Variants in ANXA10 observed in about 807,000 individuals in gnomAD.
ANXA10 encodes annexin A10, also known as annexin 14.
A neutral mutation model predicts 53.5 loss-of-function variants in ANXA10; 49 were observed. That is an observed-to-expected ratio of 0.92 (90% confidence interval 0.73 to 1.16). The LOEUF (loss-of-function observed/expected upper bound fraction) is 1.16, where lower values mean the gene tolerates loss of function less well. Among genes scored for constraint, ANXA10 ranks in the 50% most tolerant of loss-of-function variants. The probability of loss-of-function intolerance (pLI) is 0.00; values close to 1 mark genes in which losing one functional copy is unlikely to be tolerated. For missense variants in ANXA10, 393 were observed against 394.4 expected (o/e 1.00, Z 0.03); for synonymous variants, 131 against 128.9 (o/e 1.02, Z -0.11).
intron 1 of ANXA10, among the ~76,000 whole-genome samples, chr4:168,117,622 C>T (rs1730914848): frequency 6.6e-6 from 1 of 152,168 alleles, no homozygotes; most frequent in Admixed American, 6.5e-5. Flanking sequence ...CAATTTTACC[C>T]ATAGGCTAGT....
intron 3 of ANXA10, among the ~76,000 whole-genome samples, chr4:168,148,175 T>TA (rs1491522791): frequency 4.6e-5 from 3 of 64,646 alleles, no homozygotes; most frequent in African/African-American, 4.0e-4. Context: ...TATGTGACAA[T>TA]TTTTTTTTTT....
intron 10 of ANXA10, among the ~76,000 whole-genome samples, chr4:168,182,465 G>C (rs973281498): frequency 2.7e-5 from 4 of 148,306 alleles, no homozygotes; most frequent in Non-Finnish European, 6.0e-5. Flanking sequence ...CAAGTAGCTG[G>C]GACTACAGGT....
intron 1 of ANXA10, among the ~76,000 whole-genome samples, chr4:168,109,143 G>T (rs1442829193): frequency 1.3e-5 from 2 of 152,066 alleles, no homozygotes; most frequent in Non-Finnish European, 2.9e-5. Context: ...TGAACTCTTT[G>T]ATGTTTCCCA....
chr4:168,117,873 C>A (rs1439617439), intron 1 of ANXA10, among the ~76,000 whole-genome samples: 2 of 152,094 alleles, frequency 1.3e-5, no homozygotes, highest in Non-Finnish European at 2.9e-5. Context: ...GGCCAGGATG[C>A]CTGTCCACCA....
intron 1 of ANXA10, among the ~76,000 whole-genome samples, chr4:168,107,089 C>T (rs1456385105): frequency 6.6e-6 from 1 of 152,052 alleles, no homozygotes; most frequent in Non-Finnish European, 1.5e-5. Context: ...AAAAGACCAA[C>T]GTATCCTGTA....
At chr4:168,165,197 G>T (rs1393368296) in intron 5 of ANXA10, 50 bp from the exon 6 acceptor site, 2 of 1,244,640 alleles carry the variant, frequency 1.6e-6, no homozygotes, top group Admixed American at 2.0e-5. Flanking sequence ...AAAACACACT[G>T]ATACATAGTT....
chr4:168,135,681 T>C (rs1197703102), intron 2 of ANXA10, among the ~76,000 whole-genome samples: 1 of 152,130 alleles, frequency 6.6e-6, no homozygotes, highest in Non-Finnish European at 1.5e-5. Flanking sequence ...AGGGAGGAGA[T>C]AGACAGGGTG....
In ANXA10 at chr4:168,101,258, A is replaced by G. The variant is rs184498399; in HGVS notation, c.18+8540A>G. 4.1e-3 allele frequency among the ~76,000 whole-genome samples: 621 copies of G among 151,910 alleles called. 2 individuals carry two copies. Among genetic ancestry groups the G allele is most frequent in the Non-Finnish European group, 6.7e-3 (453 of 67,956 alleles). On this transcript the variant is annotated intron_variant, in intron 1 of 11. Coordinates refer to ENST00000359299, the MANE Select transcript of ANXA10 (RefSeq NM_007193.5). ...CCCCTTTGCCCTCCTCCATGATTGT[A>G]AGTTTCCTGAGGCCTCCCAAGAAGC...
At chr4:168,185,605 A>G (rs1027727579) in intron 11 of ANXA10, among the ~76,000 whole-genome samples, 1 of 152,220 alleles carries the variant, frequency 6.6e-6, no homozygotes, top group Non-Finnish European at 1.5e-5. Flanking sequence ...CTCAGAATAT[A>G]TAGGACCATT....
At chr4:168,141,918 T>C (rs1731333268) in intron 3 of ANXA10, among the ~76,000 whole-genome samples, 1 of 152,120 alleles carries the variant, frequency 6.6e-6, no homozygotes, top group Admixed American at 6.6e-5. Context: ...TTACTATTAG[T>C]CAGTGCGCAT....
At chr4:168,104,084 A>C (rs1294850526) in intron 1 of ANXA10, among the ~76,000 whole-genome samples, 2 of 151,768 alleles carry the variant, frequency 1.3e-5, no homozygotes, top group East Asian at 3.9e-4. Context: ...TGTCTTTTAA[A>C]TTTGCTTAGT....
chr4:168,171,016 T>G (rs1731974968), intron 6 of ANXA10, among the ~76,000 whole-genome samples: 1 of 152,178 alleles, frequency 6.6e-6, no homozygotes, highest in African/African-American at 2.4e-5. Context: ...CACTTCTACA[T>G]TAATGGCTTC....
At chr4:168,177,645 C>A in intron 6 of ANXA10, 95 bp from the exon 7 acceptor site, 1 of 1,233,644 alleles carries the variant, frequency 8.1e-7, no homozygotes, top group Middle Eastern at 1.9e-4. Flanking sequence ...TCCTTAGGAA[C>A]AATCAGAATG....
At chr4:168,109,919 C>T (rs554794229) in intron 1 of ANXA10, among the ~76,000 whole-genome samples, 19 of 152,274 alleles carry the variant, frequency 1.2e-4, no homozygotes, top group Admixed American at 2.6e-4. Flanking sequence ...CATCAATAAA[C>T]TTCATGTTAG....
intron 6 of ANXA10, 33 bp downstream of exon 6, chr4:168,165,359 C>T (rs1340312366): frequency 1.1e-5 from 13 of 1,175,212 alleles, no homozygotes; most frequent in African/African-American, 1.6e-5. Flanking sequence ...TTACTTTGCA[C>T]TATCTAAGCA....
At chr4:168,129,216 C>T (rs768047255) in intron 2 of ANXA10, among the ~76,000 whole-genome samples, 1 of 152,156 alleles carries the variant, frequency 6.6e-6, no homozygotes, top group South Asian at 2.1e-4. Context: ...AGCAGTATCC[C>T]ATAGGAAAAC....
chr4:168,168,547 G>A (rs1731922955), intron 6 of ANXA10, among the ~76,000 whole-genome samples: 1 of 152,046 alleles, frequency 6.6e-6, no homozygotes, highest in South Asian at 2.1e-4. Flanking sequence ...AGCCTCCCGA[G>A]TAGCTGGGAT....
chr4:168,141,548 C>T (rs773538782), intron 3 of ANXA10, among the ~76,000 whole-genome samples: 15 of 152,184 alleles, frequency 9.9e-5, no homozygotes, highest in African/African-American at 1.4e-4. Context: ...TACAAACATC[C>T]GTGTTTCCAT....
rs35451323 is a variant in ANXA10, at chr4:168,096,911, C to CATATATATATATATATATATATATATAT, written c.18+4211_18+4212insATATATATATATATATATATATATATAT. 1.1e-3 allele frequency among the ~76,000 whole-genome samples: 122 copies of CATATATATATATATATATATATATATAT among 109,524 alleles called. 1 individual carries two copies. The highest frequency in any genetic ancestry group is 4.5e-3 in the African/African-American group (89 of 19,594). The allele number at this position is 109,524 out of a possible 152,430, so 71.9% of individuals were successfully genotyped here. Reference sequence around the variant, plus strand: ...TTTGTATCCATTACTAATACAAATGCATATATATATATATATATGTATGTA... The same window carrying CATATATATATATATATATATATATATAT: ...TTTGTATCCATTACTAATACAAATGCATATATATATATATATATATATATATATATATATATATATATATATGTATGTA... On this transcript the variant is annotated intron_variant, in intron 1 of 11. Coordinates refer to ENST00000359299, the MANE Select transcript of ANXA10 (RefSeq NM_007193.5).
Sources: allele counts gnomAD v4.1 joint callset (sites outside exome capture counted in the v4.1 genomes callset), GRCh38; gene constraint gnomAD v4.1.1; transcripts MANE v1.5; gene names NCBI Gene and HGNC (gene_info 2026-07-23, HGNC 2026-07-21).